Variants in EPS8 observed in about 807,000 individuals in gnomAD.
The protein encoded by EPS8 is EGFR pathway substrate 8, signaling adaptor.
In EPS8, 42 loss-of-function variants were observed where a neutral mutation model predicts 103.8. That is an observed-to-expected ratio of 0.40 (90% CI 0.32 to 0.52). EPS8 has a LOEUF of 0.52. Ranked by LOEUF, EPS8 falls within the 20% of genes least tolerant of loss-of-function variation. The pLI is 0.40. For missense variants in EPS8, 969 were observed against 1,005.1 expected (o/e 0.96, Z 0.49); for synonymous variants, 344 against 344.6 (o/e 1.00, Z 0.02).
rs563228332 is a variant in EPS8 at position 15,759,626 on chromosome 12, C to T, written c.-22+29535G>A. On this transcript the variant is annotated intron_variant, in intron 1 of 20. Transcript: ENST00000281172. The surrounding 1 kb of genome is among the most constrained non-coding windows in gnomAD (Gnocchi z 4.9). ...AAATAGTATCAAGCATCTTCCCTGA[C>T]CACAAAGGAATAAAACTAGAAATCA... 3.9e-5 allele frequency among the ~76,000 whole-genome samples: 6 copies of T among 152,004 alleles called. No homozygotes were observed. In the South Asian group the frequency reaches 1.2e-3, roughly 32 times the overall value.
chr12:15,738,459 T>C lies in EPS8; in HGVS notation c.-22+50702A>G, dbSNP rs1046687841. ...CCAAAGTTAAGTTACATTTTCAATATGTTTGGTGTTTGAAGGATCAATCTA... is the reference window on the plus strand; with the variant it reads ...CCAAAGTTAAGTTACATTTTCAATACGTTTGGTGTTTGAAGGATCAATCTA... On this transcript the variant is annotated intron_variant, in intron 1 of 20. Transcript: ENST00000281172. This position sits in a 1 kb window ranked among gnomAD's most constrained non-coding sequence, Gnocchi z 6.2. 2.0e-5 allele frequency among the ~76,000 whole-genome samples: 3 copies of C among 152,202 alleles called. No individual in the cohort carries two copies. Among genetic ancestry groups the C allele is most frequent in the Non-Finnish European group, 4.4e-5 (3 of 68,036 alleles).
At chr12:15,625,543 A>G (rs935576171) in intron 18 of EPS8, among the ~76,000 whole-genome samples, 1 of 152,030 alleles carries the variant, frequency 6.6e-6, no homozygotes, top group Non-Finnish European at 1.5e-5. Flanking sequence ...CCGAAATTCA[A>G]TTTTGCTTTT....
chr12:15,754,220 C>T (rs560004345), intron 1 of EPS8, among the ~76,000 whole-genome samples: 46 of 150,858 alleles, frequency 3.0e-4, no homozygotes, highest in African/African-American at 1.0e-3. Context: ...AATTAAGACA[C>T]TTGTTCCATT....
intron 1 of EPS8, among the ~76,000 whole-genome samples, chr12:15,754,656 T>C (rs1384709972): frequency 2.0e-5 from 3 of 152,234 alleles, no homozygotes; most frequent in Admixed American, 6.5e-5. Context: ...TTTCCTTCTT[T>C]GAACACCCAA....
In EPS8 at chr12:15,717,470, C is replaced by T. The variant is rs2135970489; in HGVS notation, c.-21-34498G>A. 6.6e-6 allele frequency among the ~76,000 whole-genome samples: 1 copy of T among 152,124 alleles called. No individual in the cohort carries two copies. The highest frequency in any genetic ancestry group is 3.4e-3 in the Middle Eastern group (1 of 294). On this transcript the variant is annotated intron_variant, in intron 1 of 20. Coordinates refer to ENST00000281172, the MANE Select transcript of EPS8 (RefSeq NM_004447.6). The surrounding 1 kb of genome is among the most constrained non-coding windows in gnomAD (Gnocchi z 4.3). ...GGCGCGGTGGCACGTGCCTGTAATC[C>T]CAGCTACTTGGGAGGCTGAGGCAGC...
At chr12:15,677,416 A>G (rs1216669526) in intron 3 of EPS8, among the ~76,000 whole-genome samples, 1 of 152,180 alleles carries the variant, frequency 6.6e-6, no homozygotes, top group East Asian at 1.9e-4. Context: ...GTCAGACCTG[A>G]AAAGTGTTCT....
At chr12:15,739,769 T>TCC (rs1565525388) in intron 1 of EPS8, among the ~76,000 whole-genome samples, 1 of 152,148 alleles carries the variant, frequency 6.6e-6, no homozygotes, top group African/African-American at 2.4e-5. Context: ...CCTTATCATC[T>TCC]ATCCATCCAT....
chr12:15,665,250 T>C (rs1467024691), intron 8 of EPS8: 1 of 153,986 alleles, frequency 6.5e-6, no homozygotes, highest in Non-Finnish European at 1.4e-5. Context: ...CCTAATACCA[T>C]ATTTATTAAA....
chr12:15,681,920 T>C (rs773731818), intron 2 of EPS8, among the ~76,000 whole-genome samples: 2 of 151,888 alleles, frequency 1.3e-5, no homozygotes, highest in Non-Finnish European at 2.9e-5. Flanking sequence ...ATAAGGACTA[T>C]GGGAGGGGGA....
In EPS8 at chr12:15,660,693, T is replaced by C; in HGVS notation, c.858A>G (p.Lys286=). ...AAAATGCTTCTGCTGCTTTTTGGAG[T>C]TTTGTGATAAAAAATTCAATGTCAT... is the stretch of plus-strand genomic sequence containing the variant. The part of the protein sequence containing the change: ...ILDDIEFFIT[K]LQKAAEAFSE... Residue 286 remains lysine, a synonymous_variant, in exon 10 of 21, where the codon AAA becomes AAG. Coordinates refer to ENST00000281172, the MANE Select transcript of EPS8 (RefSeq NM_004447.6). 1 of 1,611,982 alleles carries C rather than the reference T, an allele frequency of 6.2e-7. No homozygotes were observed. Among genetic ancestry groups the C allele is most frequent in the Non-Finnish European group, 8.5e-7 (1 of 1,178,524 alleles).
In EPS8 at chr12:15,666,583, T is replaced by A; in HGVS notation, c.517-61A>T. On this transcript the variant is annotated intron_variant, in intron 6 of 20. Transcript: ENST00000281172. ...ATTTTTCTGAGTCTTGATATGTAGT[T>A]TAAAACAGAAAAAGGGATTGTTCCT... 4.2e-6 allele frequency: 5 copies of A among 1,193,192 alleles called. No homozygotes were observed. The Admixed American group carries it at 7.3e-5, about 17-fold the overall frequency. 73.9% of individuals were successfully genotyped at this position (1,193,192 alleles called of 1,614,324 possible).
intron 1 of EPS8, among the ~76,000 whole-genome samples, chr12:15,722,590 T>C (rs1345208823): frequency 6.6e-6 from 1 of 152,186 alleles, no homozygotes; most frequent in East Asian, 1.9e-4. Flanking sequence ...CACTCTGTCT[T>C]AGTGCATTCA....
At chr12:15,622,058 GAAGC>G (rs1944869185) in intron 20 of EPS8, among the ~76,000 whole-genome samples, 1 of 152,294 alleles carries the variant, frequency 6.6e-6, no homozygotes. Flanking sequence ...AAGAGAACAA[GAAGC>G]AAGAGACCAT....
At chr12:15,766,049 G>A (rs1947091776) in intron 1 of EPS8, among the ~76,000 whole-genome samples, 1 of 151,296 alleles carries the variant, frequency 6.6e-6, no homozygotes, top group Admixed American at 6.6e-5. Flanking sequence ...CTCCTGACCT[G>A]ATGATCCGCC....
At chr12:15,639,960 C>T (rs75199156) in intron 17 of EPS8, among the ~76,000 whole-genome samples, 7,990 of 152,252 alleles carry the variant, frequency 0.052, 306 homozygotes, top group Middle Eastern at 0.071. Context: ...TCCATCCATT[C>T]TGTCTTTGTT....
In EPS8 at chr12:15,658,594, A is replaced by C; in HGVS notation, c.938-9T>G. On this transcript the variant is annotated splice_polypyrimidine_tract_variant and intron_variant, in intron 10 of 20. Transcript: ENST00000281172. ...CAGCGTTAAAACACCCTCTAATGAAATAAGCGAGAGGAGAGGATCAGAGCA... is the reference window on the plus strand; with the variant it reads ...CAGCGTTAAAACACCCTCTAATGAACTAAGCGAGAGGAGAGGATCAGAGCA... The C allele has an allele frequency of 6.3e-7, 1 of 1,591,650 alleles. No homozygotes were observed. The highest frequency in any genetic ancestry group is 8.6e-7 in the Non-Finnish European group (1 of 1,160,018).
chr12:15,781,471 G>C lies in EPS8; in HGVS notation c.-22+7690C>G, dbSNP rs1210897192. ...TGACACAAGTCACTTTTTCTTTCTGGGCCTATTCCTTTATCTGTAATTCTG... is the reference window on the plus strand; with the variant it reads ...TGACACAAGTCACTTTTTCTTTCTGCGCCTATTCCTTTATCTGTAATTCTG... On this transcript the variant is annotated intron_variant, in intron 1 of 20. Coordinates refer to ENST00000281172, the MANE Select transcript of EPS8 (RefSeq NM_004447.6). This position sits in a 1 kb window ranked among gnomAD's most constrained non-coding sequence, Gnocchi z 4.1. Among the ~76,000 whole-genome samples the C allele has an allele frequency of 1.3e-5, 2 of 151,880 alleles. No individual in the cohort carries two copies. The highest frequency in any genetic ancestry group is 2.9e-5 in the Non-Finnish European group (2 of 67,984).
intron 3 of EPS8, among the ~76,000 whole-genome samples, chr12:15,672,939 T>A (rs1355623243): frequency 6.6e-6 from 1 of 152,172 alleles, no homozygotes; most frequent in African/African-American, 2.4e-5. Flanking sequence ...GTTCAAATGC[T>A]TTGTCTTTCA....
In EPS8 at chr12:15,700,029, C is replaced by T. The variant is rs140865422; in HGVS notation, c.-21-17057G>A. Among the ~76,000 whole-genome samples the T allele has an allele frequency of 1.7e-3, 254 of 152,252 alleles. 2 individuals are homozygous for T. Among genetic ancestry groups the T allele is most frequent in the South Asian group, 3.3e-3 (16 of 4,816 alleles). ...ATTAGCCGGACGTGGTGCTACACAA[C>T]GTGTAGTCGTAGCTACTCTGGAGGC... On this transcript the variant is annotated intron_variant, in intron 1 of 20. Transcript: ENST00000281172. This position sits in a 1 kb window ranked among gnomAD's most constrained non-coding sequence, Gnocchi z 5.1.
Sources: allele counts gnomAD v4.1 joint callset (sites outside exome capture counted in the v4.1 genomes callset), GRCh38; gene constraint gnomAD v4.1.1; non-coding constraint Gnocchi (gnomAD v3.1); transcripts MANE v1.5; gene names NCBI Gene and HGNC (gene_info 2026-07-23, HGNC 2026-07-21).